Variants in GAS7 observed in about 807,000 individuals in gnomAD.
The protein encoded by GAS7 is growth arrest-specific protein 7.
In GAS7, 28 loss-of-function variants were observed where a neutral mutation model predicts 71.1. The ratio of observed to expected loss-of-function variants is 0.39; its 90% CI spans 0.29 to 0.54. GAS7 has a LOEUF of 0.54. Ranked by LOEUF, GAS7 falls within the 20% of genes least tolerant of loss-of-function variation. The pLI is 0.62. For missense variants in GAS7, 436 were observed against 627.8 expected (o/e 0.69, Z 3.27); for synonymous variants, 258 against 245.8 (o/e 1.05, Z -0.46).
intron 1 of GAS7, among the ~76,000 whole-genome samples, chr17:10,063,853 A>G (rs2073247682): frequency 6.6e-6 from 1 of 152,152 alleles, no homozygotes; most frequent in South Asian, 2.1e-4. Context: ...TTCCCCTTGC[A>G]CGGGTGGTGA....
At chr17:10,163,155 G>A (rs879657787) in intron 1 of GAS7, among the ~76,000 whole-genome samples, 1 of 152,190 alleles carries the variant, frequency 6.6e-6, no homozygotes, top group Admixed American at 6.5e-5. Context: ...CTGTCACCCA[G>A]GCTGGACTGC....
Position 9,917,206 on chromosome 17 carries a change from C to T in GAS7, c.*22G>A. On this transcript the variant is annotated 3_prime_UTR_variant, in exon 14 of 14. Coordinates refer to ENST00000432992, the MANE Select transcript of GAS7 (RefSeq NM_201433.2). ...CCCAGCCCCCCTCCCCAGCAGGACC[C>T]CCCGAAGCTGCACAGGCCCATCTAG... 1 of 1,399,944 alleles carries T rather than the reference C, an allele frequency of 7.1e-7. No homozygotes were observed. The highest frequency in any genetic ancestry group is 1.0e-6 in the Non-Finnish European group (1 of 984,292). The allele number at this position is 1,399,944 out of a possible 1,614,324, so 86.7% of individuals were successfully genotyped here.
At chr17:10,190,503 C>A (rs1430781651) in intron 1 of GAS7, among the ~76,000 whole-genome samples, 1 of 151,458 alleles carries the variant, frequency 6.6e-6, no homozygotes, top group Middle Eastern at 3.2e-3. Context: ...TCGCTTGAAC[C>A]CAGGAGGTGG....
intron 2 of GAS7, among the ~76,000 whole-genome samples, chr17:9,982,815 G>GGGAA (rs2070464960): frequency 1.3e-5 from 1 of 74,278 alleles, no homozygotes; most frequent in Non-Finnish European, 2.6e-5. Flanking sequence ...AGGAAAGAAA[G>GGGAA]GAAAGAAAGG....
chr17:10,127,283 G>A (rs1421403439), intron 1 of GAS7, among the ~76,000 whole-genome samples: 7 of 152,152 alleles, frequency 4.6e-5, no homozygotes, highest in Admixed American at 3.9e-4. Flanking sequence ...CTCAGCTTGC[G>A]TCAGGGGAAC....
chr17:9,953,360 C>T (rs987796071), intron 5 of GAS7, among the ~76,000 whole-genome samples: 7 of 152,276 alleles, frequency 4.6e-5, no homozygotes, highest in African/African-American at 1.2e-4. Context: ...GATGGAGCCC[C>T]GAGGTGCCTG....
At chr17:10,119,724 AG>A (rs1421933669) in intron 1 of GAS7, among the ~76,000 whole-genome samples, 1 of 152,200 alleles carries the variant, frequency 6.6e-6, no homozygotes, top group Non-Finnish European at 1.5e-5. Flanking sequence ...TGCTGGTGTT[AG>A]GCCTCCTCAG....
chr17:10,150,101 C>T (rs1052375908), intron 1 of GAS7, among the ~76,000 whole-genome samples: 7 of 152,060 alleles, frequency 4.6e-5, no homozygotes, highest in Non-Finnish European at 1.0e-4. Flanking sequence ...CTGAGTTTTA[C>T]GTTATGTGAA....
intron 1 of GAS7, among the ~76,000 whole-genome samples, chr17:10,066,330 G>A (rs999624089): frequency 1.3e-5 from 2 of 152,114 alleles, no homozygotes; most frequent in Admixed American, 6.5e-5. Context: ...ACAGGCATGC[G>A]TCACCACGCC....
chr17:10,101,772 C>G (rs1441040438), intron 1 of GAS7, among the ~76,000 whole-genome samples: 1 of 152,230 alleles, frequency 6.6e-6, no homozygotes, highest in Non-Finnish European at 1.5e-5. Context: ...GAAGCATTAG[C>G]CCCTGACTTC....
intron 1 of GAS7, among the ~76,000 whole-genome samples, chr17:10,040,780 C>T (rs1891259577): frequency 6.6e-6 from 1 of 152,184 alleles, no homozygotes; most frequent in Non-Finnish European, 1.5e-5. Context: ...GACGAATCCA[C>T]ACACTCGCTT....
chr17:10,191,517 C>CTA (rs1292220034), intron 1 of GAS7, among the ~76,000 whole-genome samples: 1 of 138,944 alleles, frequency 7.2e-6, no homozygotes, highest in African/African-American at 2.7e-5. Flanking sequence ...GATCATGCCA[C>CTA]TATACTCCAG....
At chr17:10,071,056 T>C (rs2073335324) in intron 1 of GAS7, among the ~76,000 whole-genome samples, 1 of 151,954 alleles carries the variant, frequency 6.6e-6, no homozygotes, top group Non-Finnish European at 1.5e-5. Context: ...CTGGAACACC[T>C]GCTCAGCCCA....
At chr17:10,092,742 G>C (rs1377323189) in intron 1 of GAS7, among the ~76,000 whole-genome samples, 10 of 152,324 alleles carry the variant, frequency 6.6e-5, no homozygotes, top group Admixed American at 4.6e-4. Flanking sequence ...GGAGGCTCTA[G>C]GGGAAAATTG....
At chr17:10,166,871 C>T (rs1331127291) in intron 1 of GAS7, among the ~76,000 whole-genome samples, 1 of 152,044 alleles carries the variant, frequency 6.6e-6, no homozygotes, top group African/African-American at 2.4e-5. Context: ...CTTGGGACAG[C>T]CCCCGCAGGC....
intron 1 of GAS7, among the ~76,000 whole-genome samples, chr17:10,125,086 G>T (rs993196238): frequency 6.6e-6 from 1 of 150,988 alleles, no homozygotes; most frequent in East Asian, 1.9e-4. Context: ...AAAAAGGGGG[G>T]GTGTGGAAGA....
chr17:10,188,902 C>A (rs987754383), intron 1 of GAS7, among the ~76,000 whole-genome samples: 4 of 152,174 alleles, frequency 2.6e-5, no homozygotes, highest in African/African-American at 9.7e-5. Flanking sequence ...CCTTAACCTC[C>A]CAAAGTGCTG....
Position 9,912,418 on chromosome 17 carries a change from G to C in GAS7, c.*4810C>G. 1 of 232,958 alleles carries C rather than the reference G, an allele frequency of 4.3e-6. No homozygotes were observed. Among genetic ancestry groups the C allele is most frequent in the East Asian group, 6.0e-5 (1 of 16,566 alleles). The allele number at this position is 232,958 out of a possible 1,614,324, so 14.4% of individuals were successfully genotyped here. ...CAGATGAAGCAACAGATCCAGGAAA[G>C]CATCATGATGAGCCCCAGGGCCAGC... On this transcript the variant is annotated 3_prime_UTR_variant, in exon 14 of 14. Transcript: ENST00000432992.
intron 1 of GAS7, among the ~76,000 whole-genome samples, chr17:10,050,700 A>G (rs538214214): frequency 4.6e-5 from 7 of 152,294 alleles, no homozygotes; most frequent in South Asian, 4.1e-4. Context: ...AAACCCCACG[A>G]AAGGAAGGGC....
Sources: gnomAD v4.1 joint callset for allele counts (sites outside exome capture counted in the v4.1 genomes callset) on GRCh38, gnomAD v4.1.1 for gene constraint, MANE v1.5 for transcripts, NCBI Gene and HGNC (gene_info 2026-07-23, HGNC 2026-07-21) for gene names.